The following FBXO25 variants were observed in gnomAD, a reference collection of about 807,000 sequenced individuals.
FBXO25 encodes the protein F-box only protein 25.
A neutral mutation model predicts 51.9 loss-of-function variants in FBXO25; 45 were observed. That is an observed-to-expected ratio of 0.87 (90% CI 0.68 to 1.11). The LOEUF is 1.11. Among genes scored for constraint, FBXO25 ranks in the 50% most tolerant of loss-of-function variants. FBXO25 has a pLI of 0.00. For synonymous variants in FBXO25, 199 were observed against 151.0 expected (o/e 1.32, Z -2.33); for missense variants, 507 against 428.5 (o/e 1.18, Z -1.62).
At position 468,729 on chromosome 8, in the gene FBXO25, C is replaced by A; in HGVS notation, c.1002C>A (p.Pro334=). 1 of 1,614,020 alleles carries A rather than the reference C, an allele frequency of 6.2e-7. No individual in the cohort carries two copies. The highest frequency in any genetic ancestry group is 1.3e-5 in the African/African-American group (1 of 75,036). Residue 334 remains proline, a synonymous_variant, in exon 10 of 10, where the codon CCC becomes CCA. Coordinates refer to ENST00000350302, the MANE Select transcript of FBXO25 (RefSeq NM_183420.2). ...SILFWKDSGH[P]CTAADPDSCF... ...CCTCCCCACAGGACTCAGGACACCC[C>A]TGCACGGCGGCCGACCCTGACAGCT...
rs1798843693 is a variant in FBXO25 at position 447,968 on chromosome 8, G to A, written c.382-2022G>A. 2.6e-5 allele frequency among the ~76,000 whole-genome samples: 4 copies of A among 152,166 alleles called. No homozygotes were observed. In the South Asian group the frequency reaches 8.3e-4, roughly 32 times the overall value. On this transcript the variant is annotated intron_variant, in intron 5 of 9. Coordinates refer to ENST00000350302, the MANE Select transcript of FBXO25 (RefSeq NM_183420.2). The stretch of plus-strand genomic sequence containing the variant: ...GGAGAACCACCACAGAGGCGAAGGT[G>A]GGATTGGAAGGGCCCAGGAGAAGAC...
chr8:457,593 A>C (rs1274395131), intron 7 of FBXO25, among the ~76,000 whole-genome samples: 2 of 152,206 alleles, frequency 1.3e-5, no homozygotes, highest in Non-Finnish European at 2.9e-5. Context: ...GGAGGAGTCC[A>C]TTGTGGAGGT....
chr8:409,172 C>CT (rs746292134), intron 1 of FBXO25, among the ~76,000 whole-genome samples: 29 of 152,184 alleles, frequency 1.9e-4, no homozygotes, highest in Middle Eastern at 3.4e-3. Context: ...TGCAACTTGT[C>CT]TTTTTTTGTT....
At chr8:447,111 T>C (rs1372236667) in intron 5 of FBXO25, among the ~76,000 whole-genome samples, 2 of 152,158 alleles carry the variant, frequency 1.3e-5, no homozygotes, top group Non-Finnish European at 2.9e-5. Flanking sequence ...CCACATACCC[T>C]GTGCACTGAG....
chr8:456,772 C>A (rs1282376411), intron 7 of FBXO25, among the ~76,000 whole-genome samples: 1 of 152,174 alleles, frequency 6.6e-6, no homozygotes, highest in Non-Finnish European at 1.5e-5. Flanking sequence ...GCATCACTGG[C>A]GGTCCATGCT....
intron 2 of FBXO25, among the ~76,000 whole-genome samples, chr8:429,235 C>T (rs1489295129): frequency 6.6e-6 from 1 of 152,068 alleles, no homozygotes; most frequent in East Asian, 1.9e-4. Flanking sequence ...TGCCAGTAGC[C>T]TCATAATGAG....
In FBXO25 at chr8:471,283, A is replaced by AG. The variant is rs1800475841; in HGVS notation, c.*2481dup. ...CTTACATTGCTGGGGAGAGATTGAA[A>AG]GGTTAATGGAGGGTATAAGGACAGA... is the stretch of plus-strand genomic sequence containing the variant. On this transcript the variant is annotated 3_prime_UTR_variant, in exon 10 of 10. Transcript: ENST00000350302. 1 of 152,188 alleles carries AG rather than the reference A, an allele frequency of 6.6e-6. No homozygotes were observed. The highest frequency in any genetic ancestry group is 2.4e-5 in the African/African-American group (1 of 41,450). The allele number at this position is 152,188 out of a possible 1,614,324, so 9.4% of individuals were successfully genotyped here. A position where few individuals can be genotyped will look rare whatever the true frequency, so the allele number is the denominator to read the frequency against.
Position 473,215 on chromosome 8 carries a change from T to C in FBXO25, c.*4411T>C, listed in dbSNP as rs1434173590. 2 of 152,274 alleles carry C rather than the reference T, an allele frequency of 1.3e-5. No individual in the cohort carries two copies. Among genetic ancestry groups the C allele is most frequent in the East Asian group, 1.9e-4 (1 of 5,180 alleles). 9.4% of individuals were successfully genotyped at this position (152,274 alleles called of 1,614,324 possible). ...GAAAGCAGTGTCCCCCCGCGTCCCA[T>C]GGGCTAAATGCCACTGAGCCGGTAG... is the stretch of plus-strand genomic sequence containing the variant. On this transcript the variant is annotated 3_prime_UTR_variant, in exon 10 of 10. Coordinates refer to ENST00000350302, the MANE Select transcript of FBXO25 (RefSeq NM_183420.2).
At position 476,486 on chromosome 8, in the gene FBXO25, G is replaced by C. The variant is rs1472134274; in HGVS notation, c.*7682G>C. 6.6e-6 allele frequency: 1 copy of C among 152,076 alleles called. No homozygotes were observed. The highest frequency in any genetic ancestry group is 1.5e-5 in the Non-Finnish European group (1 of 67,994). 9.4% of individuals were successfully genotyped at this position (152,076 alleles called of 1,614,324 possible). ...TGCCAGAATTCCCATATGACCCTGG[G>C]CTTTTCTTTCTTGGGAGGCTTTTCT... On this transcript the variant is annotated 3_prime_UTR_variant, in exon 10 of 10. Transcript: ENST00000350302.
In FBXO25 at chr8:471,154, A is replaced by C. The variant is rs1165072032; in HGVS notation, c.*2350A>C. 1 of 152,228 alleles carries C rather than the reference A, an allele frequency of 6.6e-6. No individual in the cohort carries two copies. The highest frequency in any genetic ancestry group is 1.5e-5 in the Non-Finnish European group (1 of 68,056). The allele number at this position is 152,228 out of a possible 1,614,324, so 9.4% of individuals were successfully genotyped here. ...TTCTGCTGGGCTGGCATATTTCCAC[A>C]GGCCATGGACACAGCTAGCCGCATT... is the stretch of plus-strand genomic sequence containing the variant. On this transcript the variant is annotated 3_prime_UTR_variant, in exon 10 of 10. Transcript: ENST00000350302.
intron 2 of FBXO25, among the ~76,000 whole-genome samples, chr8:422,112 C>T (rs1244589528): frequency 2.0e-5 from 3 of 152,140 alleles, no homozygotes; most frequent in Non-Finnish European, 4.4e-5. Context: ...TGAAATCTAA[C>T]AGGTAAAAGA....
rs117204426 is a variant in FBXO25, at chr8:464,332, C to G, written c.987+1182C>G. The stretch of plus-strand genomic sequence containing the variant: ...TTCCATGGTTTGCCTTGCGTTTGAA[C>G]ATGTTTATGTTGTGAGATTTCACCG... On this transcript the variant is annotated intron_variant, in intron 9 of 9. Coordinates refer to ENST00000350302, the MANE Select transcript of FBXO25 (RefSeq NM_183420.2). Among the ~76,000 whole-genome samples the G allele has an allele frequency of 2.4e-4, 34 of 140,054 alleles. 2 individuals are homozygous for G. In the East Asian group the frequency reaches 6.8e-3, roughly 28 times the overall value. 91.9% of individuals were successfully genotyped at this position (140,054 alleles called of 152,430 possible).
At chr8:413,016 GA>G in intron 1 of FBXO25, 56 bp from the exon 2 acceptor site, 1 of 1,237,548 alleles carries the variant, frequency 8.1e-7, no homozygotes, top group Non-Finnish European at 1.1e-6. Flanking sequence ...TGTTCTAAGT[GA>G]AAAGAAACTT....
chr8:429,629 A>C (rs1797697515), intron 2 of FBXO25, among the ~76,000 whole-genome samples: 1 of 152,220 alleles, frequency 6.6e-6, no homozygotes, highest in African/African-American at 2.4e-5. Flanking sequence ...ATTTTTGTTT[A>C]CCTGACAGTG....
chr8:474,744 A>G lies in FBXO25; in HGVS notation c.*5940A>G. On this transcript the variant is annotated 3_prime_UTR_variant, in exon 10 of 10. Transcript: ENST00000350302. ...GTGTTTTTATATGTTCTGGGTATTC[A>G]CCCTTTTCAGATATATCATTTTAAA... 1 of 456,568 alleles carries G rather than the reference A, an allele frequency of 2.2e-6. No individual in the cohort carries two copies. Among genetic ancestry groups the G allele is most frequent in the Non-Finnish European group, 4.4e-6 (1 of 226,930 alleles). 28.3% of individuals were successfully genotyped at this position (456,568 alleles called of 1,614,324 possible).
In FBXO25 at chr8:477,186, T is replaced by A. The variant is rs1282768087; in HGVS notation, c.*8382T>A. Reference sequence around the variant, plus strand: ...CAGTCTTTTGAAATTTGTTGACTTGTTTAGTCATCTAACATACTGTCTATC... The same window carrying A: ...CAGTCTTTTGAAATTTGTTGACTTGATTAGTCATCTAACATACTGTCTATC... On this transcript the variant is annotated 3_prime_UTR_variant, in exon 10 of 10. Transcript: ENST00000350302. 6.6e-6 allele frequency: 1 copy of A among 152,224 alleles called. No individual in the cohort carries two copies. Among genetic ancestry groups the A allele is most frequent in the Admixed American group, 6.5e-5 (1 of 15,280 alleles). The allele number at this position is 152,224 out of a possible 1,614,324, so 9.4% of individuals were successfully genotyped here. A position where few individuals can be genotyped will look rare whatever the true frequency, so the allele number is the denominator to read the frequency against.
At position 469,287 on chromosome 8, in the gene FBXO25, A is replaced by C. The variant is rs1282675771; in HGVS notation, c.*483A>C. The stretch of plus-strand genomic sequence containing the variant: ...TTAACTACTACATTGGCTGTGCCCA[A>C]ATGAGTCCTCTTTGAATAGAAAGTG... On this transcript the variant is annotated 3_prime_UTR_variant, in exon 10 of 10. Transcript: ENST00000350302. 6.5e-6 allele frequency: 1 copy of C among 153,086 alleles called. No homozygotes were observed. The highest frequency in any genetic ancestry group is 1.5e-5 in the Non-Finnish European group (1 of 68,600). The allele number at this position is 153,086 out of a possible 1,614,324, so 9.5% of individuals were successfully genotyped here.
rs918957134 is a variant in FBXO25, at chr8:474,787, G to C, written c.*5983G>C. 2.2e-6 allele frequency: 1 copy of C among 455,270 alleles called. No homozygotes were observed. The highest frequency in any genetic ancestry group is 2.0e-5 in the African/African-American group (1 of 49,942). The allele number at this position is 455,270 out of a possible 1,614,324, so 28.2% of individuals were successfully genotyped here. A position where few individuals can be genotyped will look rare whatever the true frequency, so the allele number is the denominator to read the frequency against. ...ATTTTAAAATACTTTGTCCCATTCC[G>C]TGGATTGCCTTTCACTCTGTTTTGT... On this transcript the variant is annotated 3_prime_UTR_variant, in exon 10 of 10. Coordinates refer to ENST00000350302, the MANE Select transcript of FBXO25 (RefSeq NM_183420.2).
At chr8:449,240 A>T (rs1360881531) in intron 5 of FBXO25, among the ~76,000 whole-genome samples, 1 of 152,250 alleles carries the variant, frequency 6.6e-6, no homozygotes, top group Non-Finnish European at 1.5e-5. Context: ...AAAGCATTAA[A>T]GGAAAGCAGC....
Sources: allele counts gnomAD v4.1 joint callset (sites outside exome capture counted in the v4.1 genomes callset), GRCh38; gene constraint gnomAD v4.1.1; transcripts MANE v1.5; gene names NCBI Gene and HGNC (gene_info 2026-07-23, HGNC 2026-07-21).